The following NPFFR1 variants were observed in gnomAD, a reference collection of about 807,000 sequenced individuals.
NPFFR1 encodes the protein neuropeptide FF receptor 1.
Under a neutral mutation model 12.7 loss-of-function variants are expected in NPFFR1, and 17 were observed. The ratio of observed to expected loss-of-function variants is 1.34; its 90% confidence interval spans 0.92 to 2.01. The LOEUF (loss-of-function observed/expected upper bound fraction) is 2.01. Ranked by LOEUF, NPFFR1 falls within the 30% of genes most tolerant of loss-of-function variation. NPFFR1 has a pLI of 0.00. For synonymous variants in NPFFR1, 296 were observed against 264.5 expected (o/e 1.12, Z -1.16); for missense variants, 604 against 606.5 (o/e 1.00, Z 0.04).
Position 70,255,933 on chromosome 10 carries a change from C to T in NPFFR1, c.423-106G>A. 1 of 1,284,006 alleles carries T rather than the reference C, an allele frequency of 7.8e-7. No individual in the cohort carries two copies. The highest frequency in any genetic ancestry group is 1.1e-6 in the Non-Finnish European group (1 of 936,112). 79.5% of individuals were successfully genotyped at this position (1,284,006 alleles called of 1,614,324 possible). A position where few individuals can be genotyped will look rare whatever the true frequency, so the allele number is the denominator to read the frequency against. On this transcript the variant is annotated intron_variant, in intron 3 of 3. Transcript: ENST00000277942. This position sits in a 1 kb window ranked among gnomAD's most constrained non-coding sequence, Gnocchi z 4.2. ...CTGACCTTCATCATCGCATCTAGGG[C>T]GGCGTCGAAGAACAGCTCAGACCTG... is the stretch of plus-strand genomic sequence containing the variant.
intron 1 of NPFFR1, among the ~76,000 whole-genome samples, chr10:70,279,790 CTATTAT>C (rs1207956132): frequency 6.6e-6 from 1 of 151,524 alleles, no homozygotes; most frequent in Non-Finnish European, 1.5e-5. Context: ...GTACAATACT[CTATTAT>C]TAACTCTATG....
intron 1 of NPFFR1, among the ~76,000 whole-genome samples, chr10:70,276,337 ACGTTCTCTCT>A (rs1235551273): frequency 2.6e-5 from 4 of 152,090 alleles, no homozygotes; most frequent in African/African-American, 9.7e-5. Flanking sequence ...AGGTTACTTA[ACGTTCTCTCT>A]CTCCCCATCC....
rs1274878887 is a variant in NPFFR1, at chr10:70,256,408, AT to A, written c.423-582del. On this transcript the variant is annotated intron_variant, in intron 3 of 3. Coordinates refer to ENST00000277942, the MANE Select transcript of NPFFR1 (RefSeq NM_022146.5). Reference sequence around the variant, plus strand: ...TTTGTGTACTTTTGGGGGTCAACTGATTAGCTGGCAGCTAGCAGAGCGATCA... The same window carrying A: ...TTTGTGTACTTTTGGGGGTCAACTGATAGCTGGCAGCTAGCAGAGCGATCA... 6.6e-5 allele frequency among the ~76,000 whole-genome samples: 10 copies of A among 152,326 alleles called. No individual in the cohort carries two copies. In the East Asian group the frequency reaches 1.5e-3, roughly 24 times the overall value.
intron 3 of NPFFR1, among the ~76,000 whole-genome samples, chr10:70,258,282 C>A (rs1589909834): frequency 1.3e-5 from 2 of 148,734 alleles, no homozygotes; most frequent in East Asian, 2.0e-4. Flanking sequence ...CCAGCCAAGG[C>A]AATAGAGCAA....
chr10:70,257,318 GCTTTGCCCCAGCCA>G (rs1437490298), intron 3 of NPFFR1, among the ~76,000 whole-genome samples: 1 of 152,188 alleles, frequency 6.6e-6, no homozygotes, highest in Admixed American at 6.5e-5. Flanking sequence ...TTAATTTGTA[GCTTTGCCCCAGCCA>G]CTTTGCCCCA....
rs2136787158 is a variant in NPFFR1 at position 70,250,434 on chromosome 10, G to A, written c.*4523C>T. 6.6e-6 allele frequency: 1 copy of A among 152,222 alleles called. No homozygotes were observed. The highest frequency in any genetic ancestry group is 2.1e-4 in the South Asian group (1 of 4,816). The allele number at this position is 152,222 out of a possible 1,614,324, so 9.4% of individuals were successfully genotyped here. ...AAAACATACATACACATACATATAA[G>A]GACTTGTACATGAATGTTAATGGCA... On this transcript the variant is annotated 3_prime_UTR_variant, in exon 4 of 4. Transcript: ENST00000277942.
chr10:70,255,143 G>A lies in NPFFR1; in HGVS notation c.1107C>T (p.His369=). 6.5e-7 allele frequency: 1 copy of A among 1,535,988 alleles called. No homozygotes were observed. Among genetic ancestry groups the A allele is most frequent in the Non-Finnish European group, 8.8e-7 (1 of 1,142,816 alleles). Residue 369 remains histidine (H), a synonymous_variant, in exon 4 of 4, where the codon CAC becomes CAT. Transcript: ENST00000277942. The surrounding 1 kb of genome is among the most constrained non-coding windows in gnomAD (Gnocchi z 4.2). The part of the protein sequence containing the change: ...AYSERPGGLL[H]RRVFVVVRPS... ...GCCGCACCACCACGAAGACCCGCCT[G>A]TGCAGAAGCCCGCCGGGCCGCTCGG...
intron 1 of NPFFR1, among the ~76,000 whole-genome samples, chr10:70,269,932 A>T (rs992679388): frequency 2.6e-5 from 4 of 151,782 alleles, no homozygotes; most frequent in Non-Finnish European, 4.4e-5. Context: ...CTCCTCACGC[A>T]CTCCTGCTTC....
At position 70,251,808 on chromosome 10, in the gene NPFFR1, T is replaced by C. The variant is rs182927386; in HGVS notation, c.*3149A>G. The C allele has an allele frequency of 2.0e-5, 3 of 152,290 alleles. No individual in the cohort carries two copies. The highest frequency in any genetic ancestry group is 7.2e-5 in the African/African-American group (3 of 41,554). The allele number at this position is 152,290 out of a possible 1,614,324, so 9.4% of individuals were successfully genotyped here. A position where few individuals can be genotyped will look rare whatever the true frequency, so the allele number is the denominator to read the frequency against. On this transcript the variant is annotated 3_prime_UTR_variant, in exon 4 of 4. Coordinates refer to ENST00000277942, the MANE Select transcript of NPFFR1 (RefSeq NM_022146.5). Reference sequence around the variant, plus strand: ...CAGGTGTCAGAACATAGGAATCCAGTGAGGATAATAAATCTATAATTATAA... The same window carrying C: ...CAGGTGTCAGAACATAGGAATCCAGCGAGGATAATAAATCTATAATTATAA...
At chr10:70,275,110 T>C (rs1422249325) in intron 1 of NPFFR1, among the ~76,000 whole-genome samples, 3 of 152,222 alleles carry the variant, frequency 2.0e-5, no homozygotes, top group Non-Finnish European at 2.9e-5. Context: ...ATCATTTGGA[T>C]TGGCAAAGGC....
At chr10:70,275,481 A>T (rs1336208405) in intron 1 of NPFFR1, among the ~76,000 whole-genome samples, 1 of 152,132 alleles carries the variant, frequency 6.6e-6, no homozygotes. Flanking sequence ...TATGCCCTGG[A>T]GCACCTTTCC....
chr10:70,277,935 G>A (rs1040151856), intron 1 of NPFFR1: 8 of 519,478 alleles, frequency 1.5e-5, no homozygotes, highest in Non-Finnish European at 3.1e-5. Flanking sequence ...AGATGTTGGG[G>A]AAGACTTCTG....
chr10:70,261,485 C>A (rs939865314), intron 2 of NPFFR1, among the ~76,000 whole-genome samples: 2 of 152,168 alleles, frequency 1.3e-5, no homozygotes, highest in Non-Finnish European at 2.9e-5. Context: ...TTGAAAAAAA[C>A]CCTCATATAA....
rs1320868611 is a variant in NPFFR1 at position 70,247,920 on chromosome 10, T to C, written c.*7037A>G. Reference sequence around the variant, plus strand: ...ATGTGGTATTGAGTCAAACTAAATTTAAACCTTTTACCTAAACTGCTGGTA... The same window carrying C: ...ATGTGGTATTGAGTCAAACTAAATTCAAACCTTTTACCTAAACTGCTGGTA... On this transcript the variant is annotated 3_prime_UTR_variant, in exon 4 of 4. Transcript: ENST00000277942. The C allele has an allele frequency of 6.6e-6, 1 of 152,240 alleles. No homozygotes were observed. The highest frequency in any genetic ancestry group is 2.4e-5 in the African/African-American group (1 of 41,456). 9.4% of individuals were successfully genotyped at this position (152,240 alleles called of 1,614,324 possible). A position where few individuals can be genotyped will look rare whatever the true frequency, so the allele number is the denominator to read the frequency against.
intron 1 of NPFFR1, among the ~76,000 whole-genome samples, chr10:70,268,953 T>G (rs899139414): frequency 2.0e-5 from 3 of 152,170 alleles, no homozygotes; most frequent in Non-Finnish European, 2.9e-5. Flanking sequence ...ATCCCCATAT[T>G]GCATTTGGTA....
rs1257054737 is a variant in NPFFR1 at position 70,253,982 on chromosome 10, A to T, written c.*975T>A. The T allele has an allele frequency of 1.3e-5, 2 of 152,218 alleles. No homozygotes were observed. Among genetic ancestry groups the T allele is most frequent in the Non-Finnish European group, 2.9e-5 (2 of 68,040 alleles). 9.4% of individuals were successfully genotyped at this position (152,218 alleles called of 1,614,324 possible). On this transcript the variant is annotated 3_prime_UTR_variant, in exon 4 of 4. Transcript: ENST00000277942. ...CAAATGGCACTCCGGCTGCAGCTTC[A>T]GTTGACCAACTTCTCCCTCCCAGGA...
intron 1 of NPFFR1, among the ~76,000 whole-genome samples, chr10:70,270,043 T>C (rs146662044): frequency 1.2e-3 from 188 of 152,338 alleles, no homozygotes; most frequent in African/African-American, 4.1e-3. Context: ...GTCAATAGTT[T>C]GTGTGTTTCT....
intron 1 of NPFFR1, among the ~76,000 whole-genome samples, chr10:70,277,785 C>A (rs937467914): frequency 2.6e-5 from 4 of 152,166 alleles, no homozygotes; most frequent in Non-Finnish European, 5.9e-5. Context: ...GGGAGCAGAT[C>A]TGATTTGCTG....
intron 1 of NPFFR1, among the ~76,000 whole-genome samples, chr10:70,276,633 G>A (rs1465081974): frequency 1.5e-5 from 2 of 131,328 alleles, no homozygotes; most frequent in Non-Finnish European, 3.1e-5. Flanking sequence ...TGTCACCCAA[G>A]CTGGAGTGCA....
Sources: allele counts gnomAD v4.1 joint callset (sites outside exome capture counted in the v4.1 genomes callset), GRCh38; gene constraint gnomAD v4.1.1; non-coding constraint Gnocchi (gnomAD v3.1); transcripts MANE v1.5; gene names NCBI Gene and HGNC (gene_info 2026-07-23, HGNC 2026-07-21).